ADAMTS20: variants seen among roughly 807,000 people sequenced by gnomAD.
The protein encoded by ADAMTS20 is ADAM metallopeptidase with thrombospondin type 1 motif 20.
In ADAMTS20, 225 loss-of-function variants were observed where a neutral mutation model predicts 260.1. The ratio of observed to expected loss-of-function variants is 0.87; its 90% CI spans 0.78 to 0.97. The LOEUF is 0.97. ADAMTS20 is among the 50% of genes least tolerant of loss of function. The pLI is 0.00. For synonymous variants in ADAMTS20, 802 were observed against 769.5 expected (o/e 1.04, Z -0.70); for missense variants, 2,400 against 2,337.7 (o/e 1.03, Z -0.55).
intron 31 of ADAMTS20, among the ~76,000 whole-genome samples, chr12:43,380,917 A>G (rs925657561): frequency 3.9e-5 from 6 of 152,174 alleles, no homozygotes; most frequent in African/African-American, 1.4e-4. Context: ...TAAGAGACTC[A>G]GAATAGCCCA....
At chr12:43,441,633 T>G (rs1376121740) in intron 16 of ADAMTS20, among the ~76,000 whole-genome samples, 1 of 152,196 alleles carries the variant, frequency 6.6e-6, no homozygotes, top group Non-Finnish European at 1.5e-5. Flanking sequence ...TATTTATTTT[T>G]AATTTTCAAG....
At chr12:43,382,337 T>C (rs1165207850) in intron 31 of ADAMTS20, among the ~76,000 whole-genome samples, 1 of 152,202 alleles carries the variant, frequency 6.6e-6, no homozygotes. Flanking sequence ...ATAAAACTTG[T>C]ATAAAGTTTT....
intron 7 of ADAMTS20, among the ~76,000 whole-genome samples, chr12:43,477,961 A>T (rs536050570): frequency 1.3e-5 from 2 of 152,292 alleles, no homozygotes; most frequent in Admixed American, 1.3e-4. Flanking sequence ...GCAATTTTTC[A>T]ACCCCATGGC....
intron 36 of ADAMTS20, among the ~76,000 whole-genome samples, chr12:43,372,969 T>C (rs1334774613): frequency 6.6e-6 from 1 of 152,182 alleles, no homozygotes; most frequent in Non-Finnish European, 1.5e-5. Flanking sequence ...AGGTATAAGT[T>C]AGACATTTAG....
At chr12:43,369,028 G>C (rs1002423460) in intron 37 of ADAMTS20, among the ~76,000 whole-genome samples, 2 of 152,082 alleles carry the variant, frequency 1.3e-5, no homozygotes, top group African/African-American at 2.4e-5. Flanking sequence ...TAAACGGAAA[G>C]ATGAAGAAAC....
chr12:43,435,783 A>C (rs1941543470), intron 18 of ADAMTS20, among the ~76,000 whole-genome samples: 1 of 151,976 alleles, frequency 6.6e-6, no homozygotes, highest in South Asian at 2.1e-4. Context: ...CAATAAATAA[A>C]CCTTTATTGT....
intron 2 of ADAMTS20, among the ~76,000 whole-genome samples, chr12:43,536,124 C>A (rs1943291569): frequency 6.6e-6 from 1 of 151,590 alleles, no homozygotes; most frequent in African/African-American, 2.4e-5. Context: ...AATTCTTTTC[C>A]ACCTAATAAT....
chr12:43,379,212 A>G (rs528177373), intron 31 of ADAMTS20, among the ~76,000 whole-genome samples: 2 of 152,296 alleles, frequency 1.3e-5, no homozygotes, highest in Admixed American at 6.5e-5. Flanking sequence ...CTAAAAATCT[A>G]GGGACATTTG....
At chr12:43,426,187 A>G (rs1941330096) in intron 27 of ADAMTS20, among the ~76,000 whole-genome samples, 1 of 152,224 alleles carries the variant, frequency 6.6e-6, no homozygotes, top group Non-Finnish European at 1.5e-5. Context: ...AAACAGCTGT[A>G]TAATGTGAAC....
Position 43,453,976 on chromosome 12 carries a change from G to A in ADAMTS20, c.1691C>T (p.Pro564Leu), listed in dbSNP as rs1292577828. 6.2e-7 allele frequency: 1 copy of A among 1,613,414 alleles called. No individual in the cohort carries two copies. Among genetic ancestry groups the A allele is most frequent in the East Asian group, 2.2e-5 (1 of 44,882 alleles). Residue 564 changes from proline to leucine, a missense_variant, in exon 12 of 39, where the codon CCT becomes CTT. Physicochemically the swap from Pro to Leu is moderately conservative, Grantham distance 98 (BLOSUM62 -3). Transcript: ENST00000389420. ...ACATGTTCTTGAACAAGAACTGTAA[G>A]GTTCCCATGGTCCCCATTCACCATT... is the stretch of plus-strand genomic sequence containing the variant. ...PVNGEWGPWE[P>L]YSSCSRTCGG...
intron 14 of ADAMTS20, among the ~76,000 whole-genome samples, chr12:43,451,756 G>A (rs1006660390): frequency 1.3e-5 from 2 of 151,938 alleles, no homozygotes; most frequent in Non-Finnish European, 1.5e-5. Context: ...GACCATCTTG[G>A]AAGTGGGGTT....
At chr12:43,537,490 T>C (rs1943312956) in intron 2 of ADAMTS20, among the ~76,000 whole-genome samples, 1 of 152,164 alleles carries the variant, frequency 6.6e-6, no homozygotes, top group Admixed American at 6.5e-5. Context: ...CTGAAGCATT[T>C]ATCTTTTGAT....
chr12:43,428,566 AT>A, intron 25 of ADAMTS20, 35 bp from the exon 26 acceptor site: 2 of 1,515,112 alleles, frequency 1.3e-6, no homozygotes, highest in Non-Finnish European at 8.8e-7. Flanking sequence ...AATATACAAC[AT>A]TAATTTATAT....
intron 4 of ADAMTS20, among the ~76,000 whole-genome samples, chr12:43,501,055 CTTTT>C (rs79075751): frequency 0.24 from 24,779 of 104,900 alleles, 2,481 homozygotes; most frequent in Middle Eastern, 0.43. Context: ...CTATGTAATT[CTTTT>C]TTTTTTTTTT....
intron 2 of ADAMTS20, among the ~76,000 whole-genome samples, chr12:43,545,122 T>C (rs536887542): frequency 2.0e-5 from 3 of 152,284 alleles, no homozygotes; most frequent in African/African-American, 2.4e-5. Flanking sequence ...ACTCTTCTCC[T>C]TCCCCACTGC....
intron 3 of ADAMTS20, among the ~76,000 whole-genome samples, chr12:43,515,891 C>T (rs1942993680): frequency 6.6e-6 from 1 of 152,032 alleles, no homozygotes; most frequent in Non-Finnish European, 1.5e-5. Flanking sequence ...TGCTACATCC[C>T]AGAATTTAAT....
At position 43,375,532 on chromosome 12, in the gene ADAMTS20, T is replaced by G. The variant is rs368450640; in HGVS notation, c.5313-20A>C. 12 of 1,611,410 alleles carry G rather than the reference T, an allele frequency of 7.4e-6. No homozygotes were observed. The Admixed American group carries it at 2.0e-4, about 27-fold the overall frequency. The stretch of plus-strand genomic sequence containing the variant: ...TTTAGTCTGTAACAACATTGGGATA[T>G]TTTAGTATTAGATGCAGTTACGAGG... On this transcript the variant is annotated intron_variant, in intron 35 of 38. Coordinates refer to ENST00000389420, the MANE Select transcript of ADAMTS20 (RefSeq NM_025003.5).
At chr12:43,465,139 C>G (rs554534290) in intron 9 of ADAMTS20, among the ~76,000 whole-genome samples, 17 of 152,046 alleles carry the variant, frequency 1.1e-4, no homozygotes, top group Non-Finnish European at 2.4e-4. Flanking sequence ...TTTAAAATCA[C>G]TTGAGAAAGT....
chr12:43,439,754 C>T lies in ADAMTS20; in HGVS notation c.2464-3G>A, dbSNP rs1565549709. On this transcript the variant is annotated splice_region_variant and splice_polypyrimidine_tract_variant and intron_variant, in intron 17 of 38. Transcript: ENST00000389420. ...TATAAATTACCCACACACAACACCT[C>T]AATAAGAATATAAAAGAACATACAA... 5 of 1,601,624 alleles carry T rather than the reference C, an allele frequency of 3.1e-6. No individual in the cohort carries two copies. The highest frequency in any genetic ancestry group is 4.3e-6 in the Non-Finnish European group (5 of 1,175,178).
Sources: gnomAD v4.1 joint callset for allele counts (sites outside exome capture counted in the v4.1 genomes callset) on GRCh38, gnomAD v4.1.1 for gene constraint, MANE v1.5 for transcripts, NCBI Gene and HGNC (gene_info 2026-07-23, HGNC 2026-07-21) for gene names.